Variants in ANO3 observed in about 807,000 individuals in gnomAD.
The protein encoded by ANO3 is anoctamin-3.
A neutral mutation model predicts 144.8 loss-of-function variants in ANO3; 99 were observed. The observed-to-expected ratio is 0.68, with a 90% CI of 0.58 to 0.81. The LOEUF is 0.81. Ranked by LOEUF, ANO3 falls within the 30% of genes least tolerant of loss-of-function variation. The probability of loss-of-function intolerance (pLI) is 0.00; values close to 1 mark genes in which losing one functional copy is unlikely to be tolerated. For missense variants in ANO3, 905 were observed against 1,202.2 expected, an observed-to-expected ratio of 0.75 and a Z score of 3.66; for synonymous variants, 414 against 392.6, an observed-to-expected ratio of 1.05 and a Z score of -0.64.
chr11:26,523,206 C>T (rs1862156245), intron 6 of ANO3, among the ~76,000 whole-genome samples: 1 of 152,142 alleles, frequency 6.6e-6, no homozygotes, highest in Non-Finnish European at 1.5e-5. Flanking sequence ...GAAACCGCTC[C>T]CATGATCCAA....
intron 24 of ANO3, among the ~76,000 whole-genome samples, chr11:26,655,103 A>G (rs1356779892): frequency 6.6e-6 from 1 of 152,152 alleles, no homozygotes; most frequent in Non-Finnish European, 1.5e-5. Context: ...GTGACACTCT[A>G]GAAGATTTCA....
rs571596320 is a variant in ANO3, at chr11:26,451,747, T to C, written c.313+7911T>C. Among the ~76,000 whole-genome samples the C allele has an allele frequency of 3.1e-4, 47 of 152,310 alleles. 1 individual carries two copies. The East Asian group carries it at 7.5e-3, about 24-fold the overall frequency. ...GAAGAGAGCAGTGGTTCTCCCAGCA[T>C]GCAGCTGGAGATCTGAGAACAGGCA... is the stretch of plus-strand genomic sequence containing the variant. On this transcript the variant is annotated intron_variant, in intron 3 of 26. Transcript: ENST00000256737.
At chr11:26,600,607 CCTT>C (rs1851776676) in intron 17 of ANO3, among the ~76,000 whole-genome samples, 1 of 128,304 alleles carries the variant, frequency 7.8e-6, no homozygotes, top group South Asian at 3.2e-4. Context: ...TCCCTCCATT[CCTT>C]CTTCTCACTC....
At chr11:26,288,197 C>T (rs983383691) in intron 1 of ANO3, among the ~76,000 whole-genome samples, 2 of 152,076 alleles carry the variant, frequency 1.3e-5, no homozygotes, top group African/African-American at 2.4e-5. Context: ...GGGTGGCTGG[C>T]GACGCTGACT....
intron 4 of ANO3, among the ~76,000 whole-genome samples, chr11:26,464,772 TCTC>T (rs1859536329): frequency 6.6e-6 from 1 of 151,800 alleles, no homozygotes; most frequent in Non-Finnish European, 1.5e-5. Flanking sequence ...TACATACCCT[TCTC>T]CTATTATACT....
At chr11:26,350,802 T>G (rs77378887) in intron 1 of ANO3, among the ~76,000 whole-genome samples, 3,221 of 152,288 alleles carry the variant, frequency 0.021, 100 homozygotes, top group African/African-American at 0.067. Flanking sequence ...ACATAACTTT[T>G]CCATAATCTT....
intron 18 of ANO3, among the ~76,000 whole-genome samples, chr11:26,632,969 C>G (rs1255976801): frequency 6.6e-6 from 1 of 152,188 alleles, no homozygotes; most frequent in Non-Finnish European, 1.5e-5. Flanking sequence ...ACTGTTCTTA[C>G]TGAGGCACAC....
chr11:26,510,157 T>TAAAAA (rs1861609100), intron 5 of ANO3, among the ~76,000 whole-genome samples: 1 of 39,884 alleles, frequency 2.5e-5, no homozygotes. Flanking sequence ...AAAAAAAGAG[T>TAAAAA]AGAAAAGAAA....
At chr11:26,585,726 G>A (rs11029623) in intron 14 of ANO3, among the ~76,000 whole-genome samples, 40,013 of 151,998 alleles carry the variant, frequency 0.26, 5,711 homozygotes, top group South Asian at 0.45. Flanking sequence ...GAGTATTAGA[G>A]TTAGGATGAC....
chr11:26,493,912 C>T (rs913720283), intron 4 of ANO3, among the ~76,000 whole-genome samples: 5 of 152,012 alleles, frequency 3.3e-5, no homozygotes, highest in African/African-American at 9.7e-5. Flanking sequence ...CTGGAATTTG[C>T]CAAGGCAAAT....
chr11:26,603,323 A>G (rs1311212904), intron 17 of ANO3, among the ~76,000 whole-genome samples: 3 of 152,036 alleles, frequency 2.0e-5, no homozygotes, highest in African/African-American at 7.2e-5. Context: ...TTTATCACCT[A>G]TTTTGAATTT....
At chr11:26,197,668 A>G (rs952189770) in intron 1 of ANO3, among the ~76,000 whole-genome samples, 12 of 152,044 alleles carry the variant, frequency 7.9e-5, no homozygotes, top group Non-Finnish European at 1.3e-4. Flanking sequence ...GTTTAATTTC[A>G]GACTTTCATC....
At chr11:26,418,832 A>T (rs1175730728) in intron 1 of ANO3, among the ~76,000 whole-genome samples, 1 of 152,088 alleles carries the variant, frequency 6.6e-6, no homozygotes, top group East Asian at 1.9e-4. Context: ...GATTACAGGC[A>T]CATGTTATAG....
In ANO3 at chr11:26,480,579, G is replaced by A. The variant is rs570019927; in HGVS notation, c.432+17431G>A. 1.9e-3 allele frequency among the ~76,000 whole-genome samples: 289 copies of A among 152,294 alleles called. 1 individual carries two copies. Among genetic ancestry groups the A allele is most frequent in the African/African-American group, 6.6e-3 (273 of 41,556 alleles). On this transcript the variant is annotated intron_variant, in intron 4 of 26. Coordinates refer to ENST00000256737, the MANE Select transcript of ANO3 (RefSeq NM_031418.4). ...TCCCAACACTTTGGGAGGCCAAGAT[G>A]TGTGGATCGCTTGAGGTAAGGAGTT...
chr11:26,617,593 C>T (rs956918784), intron 17 of ANO3, among the ~76,000 whole-genome samples: 2 of 152,152 alleles, frequency 1.3e-5, no homozygotes, highest in Non-Finnish European at 2.9e-5. Context: ...TCCTGTTTTT[C>T]TAAATATCTA....
intron 4 of ANO3, among the ~76,000 whole-genome samples, chr11:26,501,874 A>G (rs1023819723): frequency 1.3e-5 from 2 of 152,202 alleles, no homozygotes; most frequent in African/African-American, 4.8e-5. Flanking sequence ...GAACAGTTGG[A>G]TAACCATGTG....
chr11:26,626,611 A>G (rs1277303176), intron 18 of ANO3, among the ~76,000 whole-genome samples: 1 of 152,188 alleles, frequency 6.6e-6, no homozygotes, highest in Admixed American at 6.5e-5. Context: ...CTGAACAGCA[A>G]GTTCTTACTG....
chr11:26,655,922 G>C (rs1853673102), intron 24 of ANO3, among the ~76,000 whole-genome samples: 1 of 151,956 alleles, frequency 6.6e-6, no homozygotes, highest in Admixed American at 6.6e-5. Context: ...GGAATTATTG[G>C]GAGAAAACGG....
intron 1 of ANO3, among the ~76,000 whole-genome samples, chr11:26,394,867 C>T (rs1048806288): frequency 6.6e-6 from 1 of 152,028 alleles, no homozygotes; most frequent in Non-Finnish European, 1.5e-5. Context: ...TGAGCCATAG[C>T]GACTGGCCCT....
Sources: gnomAD v4.1 joint callset for allele counts (sites outside exome capture counted in the v4.1 genomes callset) on GRCh38, gnomAD v4.1.1 for gene constraint, MANE v1.5 for transcripts, NCBI Gene and HGNC (gene_info 2026-07-23, HGNC 2026-07-21) for gene names.